The following COL27A1 variants were observed in gnomAD, a reference collection of about 807,000 sequenced individuals.
COL27A1 encodes collagen alpha-1(XXVII) chain.
A neutral mutation model predicts 251.3 loss-of-function variants in COL27A1; 106 were observed. That is an observed-to-expected ratio of 0.42 (90% confidence interval 0.36 to 0.50). The LOEUF is 0.50. COL27A1 is among the 20% of genes least tolerant of loss of function. The pLI, the probability that COL27A1 is intolerant of heterozygous loss-of-function variation, is 0.00. For missense variants in COL27A1, 2,325 were observed against 2,522.8 expected (o/e 0.92, Z 1.68); for synonymous variants, 1,000 against 986.3 (o/e 1.01, Z -0.26).
In COL27A1 at chr9:114,231,840, G is replaced by A; in HGVS notation, c.2539G>A (p.Gly847Arg). Residue 847 changes from glycine (G) to arginine (R), a missense_variant, in exon 16 of 61, where the codon GGG (glycine) becomes AGG (arginine). Transcript: ENST00000356083. ...KGMKGLMGSV[G>R]EPGLKGDKGE... is the part of the protein sequence containing the mutation. ...CTTGCAGGGACTGATGGGCAGCGTGGGGGAGCCCGGACTGAAAGGTGATAA... is the reference window on the plus strand; with the variant it reads ...CTTGCAGGGACTGATGGGCAGCGTGAGGGAGCCCGGACTGAAAGGTGATAA... 1.2e-6 allele frequency: 2 copies of A among 1,614,184 alleles called. No individual in the cohort carries two copies. The highest frequency in any genetic ancestry group is 1.7e-6 in the Non-Finnish European group (2 of 1,180,022).
At chr9:114,166,415 T>C (rs1368018721) in intron 2 of COL27A1, among the ~76,000 whole-genome samples, 11 of 39,558 alleles carry the variant, frequency 2.8e-4, no homozygotes, top group South Asian at 1.6e-3. Flanking sequence ...ACCTATCCAT[T>C]TATCCATTCA....
rs1830653688 is a variant in COL27A1 at position 114,215,428 on chromosome 9, G to A, written c.2368-4363G>A. On this transcript the variant is annotated intron_variant, in intron 12 of 60. Coordinates refer to ENST00000356083, the MANE Select transcript of COL27A1 (RefSeq NM_032888.4). ...CAGATGTGAACCAGAGCTGACCCAGGCTGTTGGTGCCCCTGGAATCCTGGA... is the reference window on the plus strand; with the variant it reads ...CAGATGTGAACCAGAGCTGACCCAGACTGTTGGTGCCCCTGGAATCCTGGA... Among the ~76,000 whole-genome samples, 3 of 152,210 alleles carry A rather than the reference G, an allele frequency of 2.0e-5. No individual in the cohort carries two copies. The South Asian group carries it at 6.2e-4, about 32-fold the overall frequency.
chr9:114,162,697 G>C lies in COL27A1; in HGVS notation c.63-18G>C. 1 of 1,602,692 alleles carries C rather than the reference G, an allele frequency of 6.2e-7. No individual in the cohort carries two copies. The highest frequency in any genetic ancestry group is 8.5e-7 in the Non-Finnish European group (1 of 1,171,014). ...GTGGAAGCTGATGCCGCCTCTGCTT[G>C]TGTCTCCTGGTCTCTAGGGGGTTTC... On this transcript the variant is annotated intron_variant, in intron 1 of 60. Coordinates refer to ENST00000356083, the MANE Select transcript of COL27A1 (RefSeq NM_032888.4).
At chr9:114,158,583 G>C (rs184159713) in intron 1 of COL27A1, among the ~76,000 whole-genome samples, 63 of 152,330 alleles carry the variant, frequency 4.1e-4, no homozygotes, top group African/African-American at 1.5e-3. Context: ...GGTTTGCAGA[G>C]ACAAGGCCCA....
At chr9:114,296,576 G>A (rs1828272433) in intron 49 of COL27A1, among the ~76,000 whole-genome samples, 1 of 152,138 alleles carries the variant, frequency 6.6e-6, no homozygotes, top group African/African-American at 2.4e-5. Context: ...AAAGACATGG[G>A]GAAACTGAAA....
chr9:114,194,178 CAGA>C (rs1004576260), intron 5 of COL27A1, among the ~76,000 whole-genome samples: 3 of 152,034 alleles, frequency 2.0e-5, no homozygotes, highest in African/African-American at 7.2e-5. Flanking sequence ...CTTGGGATAG[CAGA>C]AGGAGGAACT....
At chr9:114,233,289 G>A (rs1832094711) in intron 16 of COL27A1, among the ~76,000 whole-genome samples, 1 of 152,184 alleles carries the variant, frequency 6.6e-6, no homozygotes, top group Non-Finnish European at 1.5e-5. Flanking sequence ...TAGAATTGCT[G>A]GGTGAAAATG....
At chr9:114,205,268 C>G in intron 8 of COL27A1, 122 bp downstream of exon 8, 1 of 876,760 alleles carries the variant, frequency 1.1e-6, no homozygotes, top group Middle Eastern at 3.4e-4. Context: ...TGTTTTGCCT[C>G]TCACCCTGCT....
chr9:114,168,701 C>G lies in COL27A1; in HGVS notation c.1146C>G (p.Ile382Met), dbSNP rs1404058716. 6.2e-7 allele frequency: 1 copy of G among 1,614,108 alleles called. No individual in the cohort carries two copies. Among genetic ancestry groups the G allele is most frequent in the South Asian group, 1.1e-5 (1 of 91,088 alleles). The change falls in exon 3 of 61, where the codon ATC becomes ATG. Residue 382 changes from isoleucine to methionine, a missense_variant. Transcript: ENST00000356083. ...PSAPSTSIVP[I>M]KSPHPTQKTA... ...CCCCTTCTACTTCAATTGTGCCCAT[C>G]AAAAGCCCCCATCCTACCCAGAAAA...
intron 21 of COL27A1, among the ~76,000 whole-genome samples, chr9:114,241,341 C>CG (rs1832742581): frequency 6.6e-6 from 1 of 152,266 alleles, no homozygotes; most frequent in Non-Finnish European, 1.5e-5. Context: ...GATCCCTTCT[C>CG]GGGCTGGCTC....
chr9:114,199,424 A>G (rs866621751), intron 7 of COL27A1, among the ~76,000 whole-genome samples: 4 of 151,412 alleles, frequency 2.6e-5, no homozygotes, highest in African/African-American at 4.9e-5. Flanking sequence ...CCAATCCCAT[A>G]TACCCTGGGC....
intron 56 of COL27A1, among the ~76,000 whole-genome samples, chr9:114,303,257 G>A (rs950906712): frequency 1.5e-4 from 7 of 46,846 alleles, no homozygotes; most frequent in Non-Finnish European, 2.4e-4. Context: ...TTTTTTTTTT[G>A]AGACACAGTC....
intron 49 of COL27A1, among the ~76,000 whole-genome samples, chr9:114,293,277 A>G (rs1828039609): frequency 6.6e-6 from 1 of 152,240 alleles, no homozygotes; most frequent in African/African-American, 2.4e-5. Context: ...CTAAGTAACA[A>G]ATGTCTAAAT....
At chr9:114,242,105 C>A in intron 21 of COL27A1, 82 bp from the exon 22 acceptor site, 2 of 1,241,540 alleles carry the variant, frequency 1.6e-6, no homozygotes, top group Non-Finnish European at 2.2e-6. Flanking sequence ...CCATCCCTTT[C>A]CCTCCATACA....
At chr9:114,285,671 G>T (rs1827424073) in intron 41 of COL27A1, among the ~76,000 whole-genome samples, 1 of 152,202 alleles carries the variant, frequency 6.6e-6, no homozygotes, top group Non-Finnish European at 1.5e-5. Flanking sequence ...GCTCAGCCAT[G>T]GTAGACGGCC....
At chr9:114,200,917 G>A (rs1829523437) in intron 7 of COL27A1, among the ~76,000 whole-genome samples, 1 of 152,192 alleles carries the variant, frequency 6.6e-6, no homozygotes, top group Non-Finnish European at 1.5e-5. Flanking sequence ...TTGCACAGGC[G>A]GAGGTGGAGC....
rs2131687022 is a variant in COL27A1, at chr9:114,306,590, G to A, written c.5009G>A (p.Ser1670Asn). 1 of 1,614,094 alleles carries A rather than the reference G, an allele frequency of 6.2e-7. No individual in the cohort carries two copies. Among genetic ancestry groups the A allele is most frequent in the East Asian group, 2.2e-5 (1 of 44,870 alleles). Residue 1670 changes from serine to asparagine, a missense_variant, in exon 58 of 61, where the codon AGC becomes AAC. Around this residue, in one of 4 missense-constraint regions of COL27A1, gnomAD observed 327 missense variants for 442.8 expected, o/e 0.74. Coordinates refer to ENST00000356083, the MANE Select transcript of COL27A1 (RefSeq NM_032888.4). Reference sequence around the variant, plus strand: ...ATCTTTAAAACCTTACACTACCTCAGCAACCTCATCCAGAGCATTAAGACG... The same window carrying A: ...ATCTTTAAAACCTTACACTACCTCAACAACCTCATCCAGAGCATTAAGACG... ...GEIFKTLHYL[S>N]NLIQSIKTPL...
chr9:114,261,167 T>A (rs1834304535), intron 28 of COL27A1, among the ~76,000 whole-genome samples: 1 of 152,182 alleles, frequency 6.6e-6, no homozygotes, highest in Non-Finnish European at 1.5e-5. Context: ...CATTCCCGCT[T>A]GTTCATCGGC....
At chr9:114,264,286 G>A (rs1834564613) in intron 28 of COL27A1, 69 bp from the exon 29 acceptor site, 6 of 1,296,956 alleles carry the variant, frequency 4.6e-6, no homozygotes, top group Middle Eastern at 2.1e-4. Context: ...GAGCAGCCCC[G>A]CCCTCCTGGT....
Sources: allele counts gnomAD v4.1 joint callset (sites outside exome capture counted in the v4.1 genomes callset), GRCh38; gene constraint gnomAD v4.1.1; regional missense constraint gnomAD v4.1.1; transcripts MANE v1.5; gene names NCBI Gene and HGNC (gene_info 2026-07-23, HGNC 2026-07-21).